The following PTPRN2 variants were observed in gnomAD, a reference collection of about 807,000 sequenced individuals.
PTPRN2 encodes the protein protein tyrosine phosphatase receptor type N2.
In PTPRN2, 74 loss-of-function variants were observed where a neutral mutation model predicts 118.8. That is an observed-to-expected ratio of 0.62 (90% CI 0.52 to 0.76). PTPRN2 has a LOEUF of 0.76. Ranked by LOEUF, PTPRN2 falls within the 30% of genes least tolerant of loss-of-function variation. PTPRN2 has a pLI of 0.00. For missense variants in PTPRN2, 1,481 were observed against 1,394.4 expected (o/e 1.06, Z -0.99); for synonymous variants, 641 against 608.0 (o/e 1.05, Z -0.80).
intron 12 of PTPRN2, among the ~76,000 whole-genome samples, chr7:157,760,271 G>C (rs68026114): frequency 0.047 from 7,119 of 152,108 alleles, 227 homozygotes; most frequent in Non-Finnish European, 0.062. Context: ...ATCCCACCCA[G>C]GTTTGGCTCC....
At chr7:158,439,421 A>T (rs2129432527) in intron 2 of PTPRN2, among the ~76,000 whole-genome samples, 1 of 152,246 alleles carries the variant, frequency 6.6e-6, no homozygotes, top group East Asian at 1.9e-4. Context: ...TGGTTTTTAT[A>T]TTTTTTTAAG....
chr7:158,320,262 T>C (rs1189834901), intron 2 of PTPRN2, among the ~76,000 whole-genome samples: 1 of 152,138 alleles, frequency 6.6e-6, no homozygotes, highest in African/African-American at 2.4e-5. Context: ...ATTTTCCACT[T>C]TTTTGGGTAA....
At chr7:158,020,121 T>G (rs1181712856) in intron 11 of PTPRN2, among the ~76,000 whole-genome samples, 1 of 152,184 alleles carries the variant, frequency 6.6e-6, no homozygotes, top group Non-Finnish European at 1.5e-5. Flanking sequence ...CTCAGGAGCA[T>G]CTGTGTGATG....
chr7:158,001,997 G>A (rs1009483563), intron 11 of PTPRN2, among the ~76,000 whole-genome samples: 13 of 152,200 alleles, frequency 8.5e-5, no homozygotes, highest in South Asian at 6.2e-4. Flanking sequence ...CAGTGGAGAC[G>A]ATGGCCGCCA....
intron 2 of PTPRN2, among the ~76,000 whole-genome samples, chr7:158,400,669 T>C (rs1323464434): frequency 6.6e-6 from 1 of 151,994 alleles, no homozygotes; most frequent in Admixed American, 6.6e-5. Context: ...CAAGGCAGCA[T>C]CTCCCCAGCA....
intron 12 of PTPRN2, among the ~76,000 whole-genome samples, chr7:157,867,444 G>A (rs1403387318): frequency 2.3e-5 from 3 of 130,818 alleles, no homozygotes; most frequent in South Asian, 2.7e-4. Flanking sequence ...CCACCACCCC[G>A]CCCCTGACGC....
chr7:158,572,351 G>A (rs906267092), intron 1 of PTPRN2, among the ~76,000 whole-genome samples: 6 of 152,194 alleles, frequency 3.9e-5, no homozygotes, highest in Non-Finnish European at 8.8e-5. Flanking sequence ...GTTAACTTAA[G>A]GCTCTAGTTA....
intron 11 of PTPRN2, among the ~76,000 whole-genome samples, chr7:157,936,340 G>A (rs563456838): frequency 5.3e-5 from 8 of 152,248 alleles, no homozygotes; most frequent in South Asian, 2.1e-4. Context: ...CCCCTGTCAC[G>A]TTCACACGAC....
chr7:157,540,793 GCGAGAAA>G lies in PTPRN2; in HGVS notation c.2977-15_2977-9del. 1 of 1,556,542 alleles carries G rather than the reference GCGAGAAA, an allele frequency of 6.4e-7. No homozygotes were observed. Among genetic ancestry groups the G allele is most frequent in the Non-Finnish European group, 8.7e-7 (1 of 1,149,088 alleles). On this transcript the variant is annotated splice_polypyrimidine_tract_variant and intron_variant, in intron 22 of 22. Transcript: ENST00000389418. ...CGCGAACTCAAACTGCTCCTGCAGGGCGAGAAACGAGAGAAGTGCCAATGAGAGCGGC... is the reference window on the plus strand; with the variant it reads ...CGCGAACTCAAACTGCTCCTGCAGGGCGAGAGAAGTGCCAATGAGAGCGGC...
Position 158,525,338 on chromosome 7 carries a change from G to C in PTPRN2, c.113-35553C>G, listed in dbSNP as rs1319192505. Among the ~76,000 whole-genome samples the C allele has an allele frequency of 6.6e-6, 1 of 152,236 alleles. No homozygotes were observed. The highest frequency in any genetic ancestry group is 1.5e-5 in the Non-Finnish European group (1 of 68,044). ...ACAAAACCGTGAGACCCGAGCAGAA[G>C]CTGCAGCAGAAGGTAGCACGGGCAG... On this transcript the variant is annotated intron_variant, in intron 1 of 22. Transcript: ENST00000389418. This position sits in a 1 kb window ranked among gnomAD's most constrained non-coding sequence, Gnocchi z 4.1.
In PTPRN2 at chr7:157,808,718, C is replaced by A. The variant is rs1020474944; in HGVS notation, c.1788+89955G>T. ...GTTTGAATCATCCTGAAACCTTCCC[C>A]CAACCTTGGTCCATGGAAAAACCGT... On this transcript the variant is annotated intron_variant, in intron 12 of 22. Coordinates refer to ENST00000389418, the MANE Select transcript of PTPRN2 (RefSeq NM_002847.5). This position sits in a 1 kb window ranked among gnomAD's most constrained non-coding sequence, Gnocchi z 5.0. Among the ~76,000 whole-genome samples the A allele has an allele frequency of 6.6e-6, 1 of 152,190 alleles. No homozygotes were observed. Among genetic ancestry groups the A allele is most frequent in the Non-Finnish European group, 1.5e-5 (1 of 68,020 alleles).
At chr7:158,332,948 T>C (rs1463395334) in intron 2 of PTPRN2, among the ~76,000 whole-genome samples, 7 of 143,942 alleles carry the variant, frequency 4.9e-5, no homozygotes, top group African/African-American at 1.9e-4. Flanking sequence ...CAGACATCAC[T>C]CACACCCACA....
intron 2 of PTPRN2, among the ~76,000 whole-genome samples, chr7:158,443,468 C>T (rs1458815469): frequency 1.3e-5 from 2 of 152,214 alleles, no homozygotes; most frequent in Non-Finnish European, 1.5e-5. Context: ...GGGGGCTGCC[C>T]GCCGCCTGGT....
At chr7:157,965,505 A>C (rs1801862006) in intron 11 of PTPRN2, among the ~76,000 whole-genome samples, 1 of 152,074 alleles carries the variant, frequency 6.6e-6, no homozygotes, top group South Asian at 2.1e-4. Context: ...AGTCAGCACT[A>C]ATAAAAATTT....
At chr7:158,499,392 A>G (rs1485707256) in intron 1 of PTPRN2, among the ~76,000 whole-genome samples, 1 of 152,248 alleles carries the variant, frequency 6.6e-6, no homozygotes, top group East Asian at 1.9e-4. Flanking sequence ...AACTTGGGTC[A>G]GCACATTATA....
Position 158,509,827 on chromosome 7 carries a change from T to C in PTPRN2, c.113-20042A>G, listed in dbSNP as rs77596963. Reference sequence around the variant, plus strand: ...TGGTGACTTGCAGTGCTCTGTTCCATGGCCGAGAGGGCTGTAAGTGATTTG... The same window carrying C: ...TGGTGACTTGCAGTGCTCTGTTCCACGGCCGAGAGGGCTGTAAGTGATTTG... On this transcript the variant is annotated intron_variant, in intron 1 of 22. Coordinates refer to ENST00000389418, the MANE Select transcript of PTPRN2 (RefSeq NM_002847.5). This position sits in a 1 kb window ranked among gnomAD's most constrained non-coding sequence, Gnocchi z 4.4. Among the ~76,000 whole-genome samples, 6,030 of 152,278 alleles carry C rather than the reference T, an allele frequency of 0.04. 409 individuals carry two copies. The highest frequency in any genetic ancestry group is 0.14 in the African/African-American group (5,732 of 41,530).
At chr7:158,161,327 C>T (rs1391145473) in intron 6 of PTPRN2, among the ~76,000 whole-genome samples, 1 of 152,180 alleles carries the variant, frequency 6.6e-6, no homozygotes, top group South Asian at 2.1e-4. Flanking sequence ...GCACTACACC[C>T]ATTGTTACGA....
chr7:157,626,819 T>C (rs1213251086), intron 14 of PTPRN2, among the ~76,000 whole-genome samples: 2 of 152,252 alleles, frequency 1.3e-5, no homozygotes, highest in African/African-American at 4.8e-5. Context: ...ACACTGCCTT[T>C]GAATCTTCTG....
In PTPRN2 at chr7:158,326,101, G is replaced by A. The variant is rs186074663; in HGVS notation, c.164-9169C>T. Among the ~76,000 whole-genome samples, 14 of 152,312 alleles carry A rather than the reference G, an allele frequency of 9.2e-5. No individual in the cohort carries two copies. The East Asian group carries it at 9.7e-4, about 11-fold the overall frequency. On this transcript the variant is annotated intron_variant, in intron 2 of 22. Transcript: ENST00000389418. Reference sequence around the variant, plus strand: ...ATCCAGGGCCCCACAGGCCATACCCGCCGCAGGTCTTGAGTCTGGCAGCCA... The same window carrying A: ...ATCCAGGGCCCCACAGGCCATACCCACCGCAGGTCTTGAGTCTGGCAGCCA...
Sources: allele counts gnomAD v4.1 joint callset (sites outside exome capture counted in the v4.1 genomes callset), GRCh38; gene constraint gnomAD v4.1.1; non-coding constraint Gnocchi (gnomAD v3.1); transcripts MANE v1.5; gene names NCBI Gene and HGNC (gene_info 2026-07-23, HGNC 2026-07-21).